The following LRMDA variants were observed in gnomAD, a reference collection of about 807,000 sequenced individuals.
LRMDA encodes the protein leucine-rich melanocyte differentiation-associated protein.
In LRMDA, 18 loss-of-function variants were observed where a neutral mutation model predicts 29.8. The ratio of observed to expected loss-of-function variants is 0.60; its 90% CI spans 0.42 to 0.90. LRMDA has a LOEUF of 0.90. Ranked by LOEUF, LRMDA falls within the 40% of genes least tolerant of loss-of-function variation. The probability of loss-of-function intolerance (pLI) is 0.00; values close to 1 mark genes in which losing one functional copy is unlikely to be tolerated. For synonymous variants in LRMDA, 125 were observed against 109.4 expected, an observed-to-expected ratio of 1.14 and a Z score of -0.89; for missense variants, 273 against 273.9, an observed-to-expected ratio of 1.00 and a Z score of 0.02.
intron 5 of LRMDA, among the ~76,000 whole-genome samples, chr10:76,220,490 A>T (rs1851811595): frequency 6.6e-6 from 1 of 152,160 alleles, no homozygotes; most frequent in Non-Finnish European, 1.5e-5. Context: ...TACTACAAAC[A>T]CCTCTATGCA....
At chr10:76,225,277 G>C (rs1365172735) in intron 5 of LRMDA, among the ~76,000 whole-genome samples, 6 of 152,010 alleles carry the variant, frequency 3.9e-5, no homozygotes. Context: ...TGGGCGTGGT[G>C]GTGGGCGCCT....
At chr10:76,208,474 A>G (rs1851577301) in intron 5 of LRMDA, among the ~76,000 whole-genome samples, 1 of 152,204 alleles carries the variant, frequency 6.6e-6, no homozygotes, top group South Asian at 2.1e-4. Flanking sequence ...GCAAGGAAAC[A>G]TGGACCTCAA....
chr10:76,540,801 C>T (rs982672695), intron 6 of LRMDA, among the ~76,000 whole-genome samples: 5 of 152,100 alleles, frequency 3.3e-5, no homozygotes, highest in Non-Finnish European at 5.9e-5. Context: ...ACTGTTTATT[C>T]GAGTCTGCAC....
chr10:76,406,825 G>A (rs543649084), intron 6 of LRMDA, among the ~76,000 whole-genome samples: 20 of 152,222 alleles, frequency 1.3e-4, no homozygotes, highest in African/African-American at 3.6e-4. Context: ...GAATGAGCCC[G>A]AGAGGCCCTT....
intron 2 of LRMDA, among the ~76,000 whole-genome samples, chr10:75,819,266 A>G (rs1185516685): frequency 2.0e-5 from 3 of 152,180 alleles, no homozygotes; most frequent in Admixed American, 6.5e-5. Flanking sequence ...CCTAGTGCTG[A>G]TAAGTTTGTG....
chr10:75,520,917 T>A (rs955932813), intron 2 of LRMDA, among the ~76,000 whole-genome samples: 1 of 152,220 alleles, frequency 6.6e-6, no homozygotes, highest in South Asian at 2.1e-4. Context: ...TTCTGTTTGT[T>A]AGTTTTCCTT....
At chr10:76,281,111 G>A (rs141379509) in intron 5 of LRMDA, among the ~76,000 whole-genome samples, 88 of 152,318 alleles carry the variant, frequency 5.8e-4, no homozygotes, top group East Asian at 4.8e-3. Flanking sequence ...CATTCTGCTC[G>A]TGGTAGAATG....
chr10:76,170,336 G>A (rs1850812302), intron 5 of LRMDA, among the ~76,000 whole-genome samples: 1 of 152,244 alleles, frequency 6.6e-6, no homozygotes, highest in Admixed American at 6.5e-5. Context: ...GGTATATGGT[G>A]AAGTCTGTGC....
intron 2 of LRMDA, among the ~76,000 whole-genome samples, chr10:75,785,879 G>A (rs75329437): frequency 0.013 from 2,040 of 152,262 alleles, 51 homozygotes; most frequent in African/African-American, 0.047. Context: ...CCACCTCCCG[G>A]AGAACACATA....
At chr10:76,182,748 A>G (rs559715369) in intron 5 of LRMDA, among the ~76,000 whole-genome samples, 2 of 152,336 alleles carry the variant, frequency 1.3e-5, no homozygotes, top group South Asian at 4.1e-4. Flanking sequence ...AAAGCAGTAA[A>G]GAACTGTGGA....
At chr10:75,578,214 G>GAAAAAAAAAAAAAAAAAAA (rs1589191365) in intron 2 of LRMDA, among the ~76,000 whole-genome samples, 2 of 8,346 alleles carry the variant, frequency 2.4e-4, no homozygotes, top group Admixed American at 1.1e-3. Flanking sequence ...CAAATGGAAA[G>GAAAAAAAAAAAAAAAAAAA]CAAAAAAAAA....
intron 6 of LRMDA, among the ~76,000 whole-genome samples, chr10:76,547,354 G>A (rs1034586276): frequency 2.0e-5 from 3 of 152,120 alleles, no homozygotes; most frequent in Non-Finnish European, 4.4e-5. Flanking sequence ...AAAATGGGGG[G>A]CAAGGAGTGT....
intron 6 of LRMDA, among the ~76,000 whole-genome samples, chr10:76,402,665 T>C (rs1841861479): frequency 6.6e-6 from 1 of 152,154 alleles, no homozygotes; most frequent in African/African-American, 2.4e-5. Flanking sequence ...AGCTGGTTCT[T>C]TAACACCAAC....
intron 6 of LRMDA, among the ~76,000 whole-genome samples, chr10:76,354,422 T>C (rs932539087): frequency 6.6e-6 from 1 of 152,190 alleles, no homozygotes; most frequent in Admixed American, 6.5e-5. Context: ...AAATTGATAT[T>C]TGGCATATCT....
At chr10:76,178,141 A>G (rs1035675460) in intron 5 of LRMDA, among the ~76,000 whole-genome samples, 32 of 152,236 alleles carry the variant, frequency 2.1e-4, no homozygotes, top group Admixed American at 1.9e-3. Flanking sequence ...AGTATTACAA[A>G]GCCAGTGGCC....
chr10:76,376,269 T>A (rs1306880629), intron 6 of LRMDA, among the ~76,000 whole-genome samples: 1 of 152,192 alleles, frequency 6.6e-6, no homozygotes, highest in African/African-American at 2.4e-5. Flanking sequence ...TCTGAGTTAT[T>A]TAACTTTAGA....
chr10:75,910,896 G>A lies in LRMDA; in HGVS notation c.132-125112G>A, dbSNP rs185844157. 6.6e-5 allele frequency among the ~76,000 whole-genome samples: 10 copies of A among 152,304 alleles called. No homozygotes were observed. The East Asian group carries it at 9.7e-4, about 15-fold the overall frequency. On this transcript the variant is annotated intron_variant, in intron 2 of 6. Coordinates refer to ENST00000611255, the MANE Select transcript of LRMDA (RefSeq NM_001305581.2). ...GGGTTCTCTGTCTCTTGTTTGGTGCGAGACAGGGTGCAGGATTTTCTTTTT... is the reference window on the plus strand; with the variant it reads ...GGGTTCTCTGTCTCTTGTTTGGTGCAAGACAGGGTGCAGGATTTTCTTTTT...
At chr10:75,957,335 A>G (rs1846680423) in intron 2 of LRMDA, among the ~76,000 whole-genome samples, 1 of 152,234 alleles carries the variant, frequency 6.6e-6, no homozygotes, top group African/African-American at 2.4e-5. Flanking sequence ...TCCTTGCACC[A>G]TTTAGTCTCC....
rs193000446 is a variant in LRMDA at position 76,378,229 on chromosome 10, T to A, written c.601+53744T>A. ...AGAAATGCTACTGATTTTTGTAGGT[T>A]GAATTTTTATTCTGAACTTTACTGA... On this transcript the variant is annotated intron_variant, in intron 6 of 6. Transcript: ENST00000611255. Among the ~76,000 whole-genome samples, 9 of 152,332 alleles carry A rather than the reference T, an allele frequency of 5.9e-5. No individual in the cohort carries two copies. In the East Asian group the frequency reaches 1.7e-3, roughly 29 times the overall value.
Sources: gnomAD v4.1 joint callset for allele counts (sites outside exome capture counted in the v4.1 genomes callset) on GRCh38, gnomAD v4.1.1 for gene constraint, MANE v1.5 for transcripts, NCBI Gene and HGNC (gene_info 2026-07-23, HGNC 2026-07-21) for gene names.